HS1BP3: variants seen among roughly 807,000 people sequenced by gnomAD.
HS1BP3 encodes the protein HCLS1-binding protein 3.
In HS1BP3, 32 loss-of-function variants were observed where a neutral mutation model predicts 33.5. The observed-to-expected ratio is 0.95, with a 90% confidence interval of 0.72 to 1.28. HS1BP3 has a LOEUF of 1.28. Ranked by LOEUF, HS1BP3 falls within the 50% of genes most tolerant of loss-of-function variation. The pLI is 0.00. For missense variants in HS1BP3, 486 were observed against 502.3 expected (o/e 0.97, Z 0.31); for synonymous variants, 187 against 209.2 (o/e 0.89, Z 0.92).
At chr2:20,571,525 G>T (rs552962167) in intron 5 of HS1BP3, among the ~76,000 whole-genome samples, 1 of 152,332 alleles carries the variant, frequency 6.6e-6, no homozygotes, top group African/African-American at 2.4e-5. Context: ...TCCCTCCAAA[G>T]GTCATTGGCC....
At chr2:20,597,427 C>T (rs919313676) in intron 3 of HS1BP3, among the ~76,000 whole-genome samples, 6 of 152,206 alleles carry the variant, frequency 3.9e-5, no homozygotes, top group African/African-American at 1.2e-4. Context: ...GGTTCTACCA[C>T]CGACCTGCTG....
At chr2:20,634,870 C>T (rs1029550818) in intron 4 of HS1BP3, 2 of 152,246 alleles carry the variant, frequency 1.3e-5, no homozygotes, top group Non-Finnish European at 2.9e-5. Flanking sequence ...AGCACGGGGA[C>T]CCGGGTGTGG....
chr2:20,596,185 C>G (rs4666436), intron 3 of HS1BP3, among the ~76,000 whole-genome samples: 102,506 of 152,126 alleles, frequency 0.67, 37,754 homozygotes, highest in East Asian at 0.82. Context: ...TCTGGGTGTA[C>G]CAGATACCTC....
chr2:20,607,180 G>T (rs1309512903), intron 2 of HS1BP3, among the ~76,000 whole-genome samples: 18 of 149,062 alleles, frequency 1.2e-4, no homozygotes, highest in African/African-American at 4.2e-4. Flanking sequence ...TTTTGAGACA[G>T]AGTCTTGCTC....
At chr2:20,599,776 C>T (rs1006679985) in intron 2 of HS1BP3, among the ~76,000 whole-genome samples, 1 of 152,112 alleles carries the variant, frequency 6.6e-6, no homozygotes, top group Non-Finnish European at 1.5e-5. Flanking sequence ...CTGATTAGCA[C>T]TGTGCCCTTG....
chr2:20,622,126 C>A, intron 6 of HS1BP3: 1 of 1,228,758 alleles, frequency 8.1e-7, no homozygotes, highest in Non-Finnish European at 1.1e-6. Context: ...CCCCACGCGG[C>A]CTCAGGGTGG....
At chr2:20,597,091 G>T (rs1050350652) in intron 3 of HS1BP3, among the ~76,000 whole-genome samples, 1 of 152,178 alleles carries the variant, frequency 6.6e-6, no homozygotes, top group Non-Finnish European at 1.5e-5. Flanking sequence ...AGGGCCCCAG[G>T]GTCCCCTCTG....
At chr2:20,583,120 T>G (rs1345717917) in intron 5 of HS1BP3, among the ~76,000 whole-genome samples, 1 of 152,228 alleles carries the variant, frequency 6.6e-6, no homozygotes, top group Non-Finnish European at 1.5e-5. Context: ...GGAGCAGGCA[T>G]GTGCCATGCA....
chr2:20,636,812 C>G (rs1358401553), intron 4 of HS1BP3: 1 of 152,240 alleles, frequency 6.6e-6, no homozygotes, highest in Non-Finnish European at 1.5e-5. Flanking sequence ...CAAGCAAATG[C>G]TAACTTAGTT....
At chr2:20,641,975 C>G (rs1053504323) in intron 2 of HS1BP3, among the ~76,000 whole-genome samples, 12 of 152,240 alleles carry the variant, frequency 7.9e-5, no homozygotes, top group Admixed American at 7.2e-4. Context: ...GTGTCTGTAA[C>G]CATGTGGGTG....
chr2:20,560,663 G>A (rs1033508057), intron 5 of HS1BP3: 1 of 152,214 alleles, frequency 6.6e-6, no homozygotes, highest in African/African-American at 2.4e-5. Context: ...GTCAGAAACT[G>A]AGGCCCAGAG....
rs941319377 is a variant in HS1BP3 at position 20,595,540 on chromosome 2, C to T, written c.*12+2668G>A. On this transcript the variant is annotated intron_variant, in intron 3 of 3. Coordinates refer to the HS1BP3 transcript ENST00000415264. ...GGGTTTCGGCTGGGCCTTGCTGATC[C>T]TGTAGCAACCAGTGATTCTGGCCAC... Among the ~76,000 whole-genome samples, 5 of 152,302 alleles carry T rather than the reference C, an allele frequency of 3.3e-5. No individual in the cohort carries two copies. In the East Asian group the frequency reaches 9.6e-4, roughly 29 times the overall value.
downstream of HS1BP3, among the ~76,000 whole-genome samples, chr2:20,558,210 T>C (rs1692886946): frequency 6.6e-6 from 1 of 151,406 alleles, no homozygotes; most frequent in African/African-American, 2.4e-5. Context: ...GGAGAAGAGG[T>C]GGGAGAGGGA....
chr2:20,630,935 G>A (rs571608504), intron 4 of HS1BP3, among the ~76,000 whole-genome samples: 27 of 152,318 alleles, frequency 1.8e-4, no homozygotes, highest in African/African-American at 6.3e-4. Context: ...TGGGGCCTGG[G>A]GAGATTCTGG....
downstream of HS1BP3, among the ~76,000 whole-genome samples, chr2:20,614,277 G>A (rs935185721): frequency 6.6e-6 from 1 of 152,206 alleles, no homozygotes; most frequent in Non-Finnish European, 1.5e-5. Flanking sequence ...GTGACCCCCA[G>A]AACTGTGAGA....
chr2:20,640,934 C>A (rs761910304), intron 3 of HS1BP3, 39 bp downstream of exon 3: 3 of 1,599,862 alleles, frequency 1.9e-6, no homozygotes, highest in Non-Finnish European at 2.6e-6. Context: ...AGTTCTGGGC[C>A]GGGGAGACCT....
At chr2:20,572,071 C>T (rs1230686744) in intron 5 of HS1BP3, among the ~76,000 whole-genome samples, 2 of 152,156 alleles carry the variant, frequency 1.3e-5, no homozygotes, top group African/African-American at 4.8e-5. Flanking sequence ...GAGACTGAGG[C>T]TTTTGGTTTT....
downstream of HS1BP3, among the ~76,000 whole-genome samples, chr2:20,615,388 C>G (rs921498553): frequency 6.6e-6 from 1 of 152,250 alleles, no homozygotes; most frequent in Non-Finnish European, 1.5e-5. Flanking sequence ...ATCTGCTTCC[C>G]CACCGGCCCC....
intron 2 of HS1BP3, among the ~76,000 whole-genome samples, chr2:20,641,480 C>T (rs941984687): frequency 3.9e-5 from 6 of 152,170 alleles, no homozygotes; most frequent in African/African-American, 9.7e-5. Context: ...CCAGCCTGCA[C>T]GTGATCAGGG....
Sources: gnomAD v4.1 joint callset for allele counts (sites outside exome capture counted in the v4.1 genomes callset) on GRCh38, gnomAD v4.1.1 for gene constraint, MANE v1.5 for transcripts, NCBI Gene and HGNC (gene_info 2026-07-23, HGNC 2026-07-21) for gene names.